Variants in PTPRD observed in about 807,000 individuals in gnomAD.
The protein encoded by PTPRD is protein tyrosine phosphatase receptor type D.
Under a neutral mutation model 214.5 loss-of-function variants are expected in PTPRD, and 34 were observed. That is an observed-to-expected ratio of 0.16 (90% CI 0.12 to 0.21). The LOEUF (loss-of-function observed/expected upper bound fraction) is 0.21, where lower values mean the gene tolerates loss of function less well. Among genes scored for constraint, PTPRD ranks in the 10% least tolerant of loss-of-function variants. PTPRD has a pLI of 1.00. For synonymous variants in PTPRD, 1,128 were observed against 845.7 expected, an observed-to-expected ratio of 1.33 and a Z score of -5.79; for missense variants, 2,545 against 2,398.7, an observed-to-expected ratio of 1.06 and a Z score of -1.27.
chr9:9,941,099 T>C (rs1210358481), intron 4 of PTPRD, among the ~76,000 whole-genome samples: 1 of 152,118 alleles, frequency 6.6e-6, no homozygotes, highest in African/African-American at 2.4e-5. Context: ...TCTCATGTTT[T>C]CTCATGTTTT....
intron 5 of PTPRD, among the ~76,000 whole-genome samples, chr9:9,927,034 T>A (rs972997852): frequency 1.5e-4 from 23 of 152,168 alleles, no homozygotes; most frequent in Admixed American, 3.3e-4. Flanking sequence ...AGTTTATATT[T>A]TATATGCCTT....
intron 2 of PTPRD, among the ~76,000 whole-genome samples, chr9:10,555,805 T>G (rs762937728): frequency 2.6e-5 from 4 of 152,056 alleles, no homozygotes; most frequent in Admixed American, 6.6e-5. Context: ...AATAAGAAAC[T>G]AGATTCCTCT....
chr9:9,246,066 GCAAA>G (rs2099972926), intron 9 of PTPRD, among the ~76,000 whole-genome samples: 1 of 151,994 alleles, frequency 6.6e-6, no homozygotes, highest in South Asian at 2.1e-4. Flanking sequence ...AACTGATTTT[GCAAA>G]CAAATATATT....
chr9:9,702,170 T>C (rs897305169), intron 7 of PTPRD, among the ~76,000 whole-genome samples: 35 of 152,138 alleles, frequency 2.3e-4, no homozygotes, highest in Middle Eastern at 3.4e-3. Context: ...TAAAGTATCA[T>C]GATGACGAGA....
intron 9 of PTPRD, among the ~76,000 whole-genome samples, chr9:9,396,934 G>A (rs770668500): frequency 6.6e-6 from 1 of 151,964 alleles, no homozygotes; most frequent in South Asian, 2.1e-4. Flanking sequence ...CTTCTCCAGA[G>A]ATTAACTATA....
intron 14 of PTPRD, among the ~76,000 whole-genome samples, chr9:8,626,098 T>G (rs369063805): frequency 6.6e-6 from 1 of 151,882 alleles, no homozygotes; most frequent in African/African-American, 2.4e-5. Context: ...AAATTATGCA[T>G]GTACAACTTT....
chr9:10,197,845 A>G (rs1396751695), intron 3 of PTPRD, among the ~76,000 whole-genome samples: 1 of 152,110 alleles, frequency 6.6e-6, no homozygotes, highest in East Asian at 1.9e-4. Flanking sequence ...TAAGTAGAGC[A>G]AGAACAAGCA....
In PTPRD at chr9:8,477,265, T is replaced by C. The variant is rs1378429083; in HGVS notation, c.3414-6180A>G. On this transcript the variant is annotated intron_variant, in intron 30 of 45. Coordinates refer to ENST00000381196, the MANE Select transcript of PTPRD (RefSeq NM_002839.4). ...ACATAGACTTTAACTATTAAAGTAA[T>C]AGAAAAATAAATAACTTCAGAATCA... Among the ~76,000 whole-genome samples the C allele has an allele frequency of 1.1e-4, 17 of 152,196 alleles. 1 individual carries two copies. Among genetic ancestry groups the C allele is most frequent in the Admixed American group, 1.1e-3 (17 of 15,274 alleles).
intron 5 of PTPRD, among the ~76,000 whole-genome samples, chr9:9,772,410 G>C (rs1234473470): frequency 1.3e-5 from 2 of 152,188 alleles, no homozygotes; most frequent in Non-Finnish European, 2.9e-5. Flanking sequence ...TCCAGTTAGA[G>C]TGTAGCTTTA....
intron 2 of PTPRD, among the ~76,000 whole-genome samples, chr9:10,498,023 G>A (rs903243258): frequency 1.3e-5 from 2 of 151,962 alleles, no homozygotes; most frequent in African/African-American, 4.8e-5. Flanking sequence ...TCAGTTAACA[G>A]AAATATTGCT....
intron 11 of PTPRD, among the ~76,000 whole-genome samples, chr9:8,739,834 G>A (rs1463178986): frequency 1.3e-5 from 2 of 152,154 alleles, no homozygotes; most frequent in African/African-American, 4.8e-5. Context: ...TCCCATGATA[G>A]TGAATAAGTC....
intron 9 of PTPRD, among the ~76,000 whole-genome samples, chr9:9,381,928 T>A (rs1596761052): frequency 6.6e-6 from 1 of 151,570 alleles, no homozygotes. Context: ...ATCATTGGGG[T>A]TTTAATGTGG....
chr9:9,676,659 A>G lies in PTPRD; in HGVS notation c.-287+57874T>C, dbSNP rs1400308622. Among the ~76,000 whole-genome samples, 101 of 152,104 alleles carry G rather than the reference A, an allele frequency of 6.6e-4. 1 individual carries two copies. The East Asian group carries it at 0.018, about 27-fold the overall frequency. ...ATATACCCAGTAATGGGATGGCTGG[A>G]TCAAATGGTATTTCTAGTTCTAGAT... On this transcript the variant is annotated intron_variant, in intron 7 of 45. Coordinates refer to ENST00000381196, the MANE Select transcript of PTPRD (RefSeq NM_002839.4).
chr9:9,784,816 T>C (rs542158780), intron 5 of PTPRD, among the ~76,000 whole-genome samples: 43 of 150,634 alleles, frequency 2.9e-4, no homozygotes, highest in African/African-American at 9.7e-4. Flanking sequence ...TCATAAAACA[T>C]ATATTAGATA....
chr9:10,305,983 T>A (rs1299400929), intron 3 of PTPRD, among the ~76,000 whole-genome samples: 10 of 152,102 alleles, frequency 6.6e-5, no homozygotes, highest in Middle Eastern at 3.2e-3. Context: ...ATATGTTTAT[T>A]GCAGTGCTGT....
intron 8 of PTPRD, among the ~76,000 whole-genome samples, chr9:9,422,010 T>C (rs570937207): frequency 6.7e-6 from 1 of 149,282 alleles, no homozygotes; most frequent in African/African-American, 2.5e-5. Flanking sequence ...AAAAAAACAG[T>C]AAAGAATGTG....
intron 5 of PTPRD, among the ~76,000 whole-genome samples, chr9:9,855,712 G>T: frequency 6.6e-6 from 1 of 152,142 alleles, no homozygotes; most frequent in East Asian, 1.9e-4. Context: ...CAGGAGAGTG[G>T]GTGCAGGAGC....
At chr9:9,395,097 T>G (rs2067281837) in intron 9 of PTPRD, among the ~76,000 whole-genome samples, 1 of 151,760 alleles carries the variant, frequency 6.6e-6, no homozygotes, top group African/African-American at 2.4e-5. Flanking sequence ...GGATGTCTCC[T>G]CTCTCCTTTC....
At chr9:9,909,559 C>T (rs528757896) in intron 5 of PTPRD, among the ~76,000 whole-genome samples, 24 of 151,924 alleles carry the variant, frequency 1.6e-4, no homozygotes, top group Non-Finnish European at 2.7e-4. Flanking sequence ...TATTATTAGG[C>T]ACTATCTTAG....
Sources: gnomAD v4.1 joint callset for allele counts (sites outside exome capture counted in the v4.1 genomes callset) on GRCh38, gnomAD v4.1.1 for gene constraint, MANE v1.5 for transcripts, NCBI Gene and HGNC (gene_info 2026-07-23, HGNC 2026-07-21) for gene names.